The following HIRA variants were observed in gnomAD, a reference collection of about 807,000 sequenced individuals.
The protein encoded by HIRA is histone cell cycle regulator, also known as protein HIRA.
Under a neutral mutation model 126.6 loss-of-function variants are expected in HIRA, and 13 were observed. The ratio of observed to expected loss-of-function variants is 0.10; its 90% CI spans 0.07 to 0.16. HIRA has a LOEUF of 0.16. Ranked by LOEUF, HIRA falls within the 10% of genes least tolerant of loss-of-function variation. HIRA has a pLI of 1.00. For synonymous variants in HIRA, 511 were observed against 520.0 expected, an observed-to-expected ratio of 0.98 and a Z score of 0.24; for missense variants, 834 against 1,314.4, an observed-to-expected ratio of 0.63 and a Z score of 5.65.
rs145775121 is a variant in HIRA at position 19,339,371 on chromosome 22, G to A, written c.2938-7815C>T. Among the ~76,000 whole-genome samples the A allele has an allele frequency of 1.4e-4, 21 of 152,232 alleles. 1 individual carries two copies. The East Asian group carries it at 1.7e-3, about 13-fold the overall frequency. ...TGAAAGAGGCCAAGCACGGTGGCTC[G>A]TGTCTGTAATCCCAGCAATTTTGGA... On this transcript the variant is annotated intron_variant, in intron 24 of 24. Transcript: ENST00000263208.
At chr22:19,429,133 C>CTTTTTTTTTT (rs57853722) in intron 1 of HIRA, among the ~76,000 whole-genome samples, 3 of 77,278 alleles carry the variant, frequency 3.9e-5, no homozygotes, top group Non-Finnish European at 4.5e-5. Context: ...GTTGCCATAT[C>CTTTTTTTTTT]TTTTTTTTTT....
chr22:19,429,133 CTTTTTTTTTTTTT>C (rs57853722), intron 1 of HIRA, among the ~76,000 whole-genome samples: 6 of 77,244 alleles, frequency 7.8e-5, no homozygotes, highest in African/African-American at 1.1e-4. Context: ...GTTGCCATAT[CTTTTTTTTTTTTT>C]TTTTTTTTTT....
At chr22:19,411,198 C>T (rs374355901) in intron 1 of HIRA, among the ~76,000 whole-genome samples, 14 of 152,342 alleles carry the variant, frequency 9.2e-5, no homozygotes, top group East Asian at 5.8e-4. Flanking sequence ...AGCATTGCTT[C>T]GCTTGTCATA....
chr22:19,346,941 G>C (rs2088693311), intron 24 of HIRA, among the ~76,000 whole-genome samples: 1 of 152,228 alleles, frequency 6.6e-6, no homozygotes, highest in East Asian at 1.9e-4. Context: ...GGGAGAAGAA[G>C]AAATCATGGC....
chr22:19,353,875 C>G (rs2088783961), intron 22 of HIRA, 121 bp downstream of exon 22: 3 of 1,274,104 alleles, frequency 2.4e-6, no homozygotes, highest in Admixed American at 2.3e-5. Flanking sequence ...CTGACCAGCA[C>G]CTGGGGCACA....
At position 19,353,534 on chromosome 22, in the gene HIRA, A is replaced by G; in HGVS notation, c.2685-15T>C. 6.3e-7 allele frequency: 1 copy of G among 1,588,576 alleles called. No individual in the cohort carries two copies. The highest frequency in any genetic ancestry group is 8.6e-7 in the Non-Finnish European group (1 of 1,168,248). On this transcript the variant is annotated splice_polypyrimidine_tract_variant and intron_variant, in intron 22 of 24. Coordinates refer to ENST00000263208, the MANE Select transcript of HIRA (RefSeq NM_003325.4). Reference sequence around the variant, plus strand: ...GCCTTCCCGAGCTGCAGAGACCAGGAGAGTTTCCATGATGGGGCAGCAGGC... The same window carrying G: ...GCCTTCCCGAGCTGCAGAGACCAGGGGAGTTTCCATGATGGGGCAGCAGGC...
At chr22:19,369,521 G>T (rs1427793747) in intron 15 of HIRA, among the ~76,000 whole-genome samples, 2 of 152,202 alleles carry the variant, frequency 1.3e-5, no homozygotes, top group Non-Finnish European at 2.9e-5. Flanking sequence ...GAAAGACCAT[G>T]TGTCTCAAGA....
chr22:19,370,889 G>A (rs1199623219), intron 15 of HIRA, among the ~76,000 whole-genome samples: 1 of 152,126 alleles, frequency 6.6e-6, no homozygotes, highest in Non-Finnish European at 1.5e-5. Flanking sequence ...ATGGCTGGAC[G>A]GTCTTGTGAG....
intron 20 of HIRA, 63 bp downstream of exon 20, chr22:19,356,167 C>A (rs948716748): frequency 1.3e-5 from 19 of 1,476,350 alleles, no homozygotes; most frequent in Non-Finnish European, 1.7e-5. Context: ...CGGGGCCCTT[C>A]TGCAGCATCA....
intron 12 of HIRA, 61 bp downstream of exon 12, chr22:19,385,460 C>A: frequency 6.7e-7 from 1 of 1,492,190 alleles, no homozygotes; most frequent in East Asian, 2.3e-5. Flanking sequence ...CTGGTGTCTG[C>A]CCCTCACCCT....
chr22:19,368,644 T>C (rs1357167642), intron 15 of HIRA, among the ~76,000 whole-genome samples: 3 of 152,202 alleles, frequency 2.0e-5, no homozygotes, highest in Non-Finnish European at 4.4e-5. Flanking sequence ...TTCAGACTGA[T>C]CTGAAAGGGT....
At chr22:19,355,906 C>G in intron 20 of HIRA, 41 bp from the exon 21 acceptor site, 1 of 1,384,176 alleles carries the variant, frequency 7.2e-7, no homozygotes, top group Non-Finnish European at 1.0e-6. Context: ...GTGCTCTGAT[C>G]AGCAAGTGTT....
rs571693214 is a variant in HIRA at position 19,379,259 on chromosome 22, G to A, written c.1416-1193C>T. ...GATCTCCTGACCTCGTGATCCGCCC[G>A]CCTTGGCTTCCCAAAGTGCTGGGAT... On this transcript the variant is annotated intron_variant, in intron 13 of 24. Coordinates refer to ENST00000263208, the MANE Select transcript of HIRA (RefSeq NM_003325.4). Among the ~76,000 whole-genome samples the A allele has an allele frequency of 1.2e-4, 18 of 151,356 alleles. No individual in the cohort carries two copies. In the South Asian group the frequency reaches 3.8e-3, roughly 32 times the overall value.
Position 19,408,561 on chromosome 22 carries a change from T to C in HIRA, c.133A>G (p.Met45Val). The C allele has an allele frequency of 6.2e-7, 1 of 1,613,578 alleles. No homozygotes were observed. The highest frequency in any genetic ancestry group is 2.2e-5 in the East Asian group (1 of 44,876). Reference sequence around the variant, plus strand: ...TCATCCTCCTGGAGGACTGGAGACATATTCCAGATCACAACCTTCCCAGAA... The same window carrying C: ...TCATCCTCCTGGAGGACTGGAGACACATTCCAGATCACAACCTTCCCAGAA... ...QDSGKVVIWN[M>V]SPVLQEDDEK... Residue 45 changes from methionine (M) to valine (V), a missense_variant, in exon 3 of 25, where the codon ATG (methionine) becomes GTG (valine). Transcript: ENST00000263208.
Position 19,375,786 on chromosome 22 carries a change from A to C in HIRA, c.1620T>G (p.Asn540Lys), listed in dbSNP as rs1200094726. 6.2e-7 allele frequency: 1 copy of C among 1,614,160 alleles called. No individual in the cohort carries two copies. Residue 540 changes from asparagine (N) to lysine (K), a missense_variant, in exon 15 of 25, where the codon AAT becomes AAG. By Grantham distance (94) the Asn-to-Lys change is moderately conservative (BLOSUM62 0). Around this residue, in one of 5 missense-constraint regions of HIRA, gnomAD observed 468 missense variants for 574.2 expected, o/e 0.82. Coordinates refer to ENST00000263208, the MANE Select transcript of HIRA (RefSeq NM_003325.4). ...AGDSVNKDSM[N>K]ATSTPAALSP... ...ACAATGCAGCAGGAGTAGAGGTAGC[A>C]TTCATACTGGGGTGAAGAAGAGGGG...
intron 1 of HIRA, among the ~76,000 whole-genome samples, chr22:19,416,605 C>G (rs960252213): frequency 6.6e-6 from 1 of 152,132 alleles, no homozygotes; most frequent in Non-Finnish European, 1.5e-5. Context: ...TCCCAAAGTG[C>G]TAGGATTATA....
At chr22:19,405,463 G>A (rs1040509382) in intron 5 of HIRA, 12 of 984,508 alleles carry the variant, frequency 1.2e-5, no homozygotes, top group African/African-American at 1.7e-5. Context: ...GTGTGCTTAC[G>A]GACTTAGTGA....
chr22:19,382,966 G>C (rs9606000), intron 13 of HIRA, among the ~76,000 whole-genome samples: 1 of 152,082 alleles, frequency 6.6e-6, no homozygotes, highest in Admixed American at 6.5e-5. Flanking sequence ...GTTATCCTGA[G>C]AGAACAACCA....
In HIRA at chr22:19,331,112, A is replaced by T; in HGVS notation, c.*328T>A. 2 of 1,250,438 alleles carry T rather than the reference A, an allele frequency of 1.6e-6. No homozygotes were observed. Among genetic ancestry groups the T allele is most frequent in the African/African-American group, 1.5e-5 (1 of 65,274 alleles). The allele number at this position is 1,250,438 out of a possible 1,614,324, so 77.5% of individuals were successfully genotyped here. ...GAAGCAGCATGGTGCCTGCAGCAGC[A>T]GGGGCTAGTGTCCACCTTGGGGCCG... On this transcript the variant is annotated 3_prime_UTR_variant, in exon 25 of 25. Transcript: ENST00000263208.
Sources: allele counts gnomAD v4.1 joint callset (sites outside exome capture counted in the v4.1 genomes callset), GRCh38; gene constraint gnomAD v4.1.1; regional missense constraint gnomAD v4.1.1; transcripts MANE v1.5; gene names NCBI Gene and HGNC (gene_info 2026-07-23, HGNC 2026-07-21).